The following DOK6 variants were observed in gnomAD, a reference collection of about 807,000 sequenced individuals.
DOK6 encodes the protein downstream of tyrosine kinase 6.
In DOK6, 22 loss-of-function variants were observed where a neutral mutation model predicts 44.0. That is an observed-to-expected ratio of 0.50 (90% confidence interval 0.36 to 0.71). The LOEUF is 0.71. Among genes scored for constraint, DOK6 ranks in the 30% least tolerant of loss-of-function variants. The pLI is 0.00. For missense variants in DOK6, 340 were observed against 416.4 expected (o/e 0.82, Z 1.60); for synonymous variants, 166 against 145.5 (o/e 1.14, Z -1.01).
chr18:69,696,031 C>CT (rs1986382402), intron 4 of DOK6, among the ~76,000 whole-genome samples: 2 of 151,850 alleles, frequency 1.3e-5, no homozygotes, highest in African/African-American at 2.4e-5. Context: ...TGTCCAGTTG[C>CT]TTTTTTTTAA....
intron 1 of DOK6, among the ~76,000 whole-genome samples, chr18:69,554,141 GA>G (rs1260031487): frequency 6.6e-6 from 1 of 152,186 alleles, no homozygotes; most frequent in African/African-American, 2.4e-5. Flanking sequence ...CACCCGTAGA[GA>G]AAATGACACA....
At position 69,790,517 on chromosome 18, in the gene DOK6, C is replaced by T. The variant is rs78172027; in HGVS notation, c.856+32644C>T. On this transcript the variant is annotated intron_variant, in intron 7 of 7. Coordinates refer to ENST00000382713, the MANE Select transcript of DOK6 (RefSeq NM_152721.6). ...AATTAATTATACAATCTGAAGCATG[C>T]GCTAAGTAAGAATTTTTATATTCTT... Among the ~76,000 whole-genome samples the T allele has an allele frequency of 1.7e-3, 256 of 152,112 alleles. 4 individuals carry two copies. The East Asian group carries it at 0.044, about 26-fold the overall frequency.
chr18:69,442,689 ACTTTACACATGTTGCTTATTGT>A (rs1979169961), intron 1 of DOK6, among the ~76,000 whole-genome samples: 1 of 152,072 alleles, frequency 6.6e-6, no homozygotes, highest in Admixed American at 6.6e-5. Context: ...TCTGTTTGCT[ACTTTACACATGTTGCTTATTGT>A]CTTTACACAT....
chr18:69,487,161 T>A (rs1272009094), intron 1 of DOK6, among the ~76,000 whole-genome samples: 1 of 149,548 alleles, frequency 6.7e-6, no homozygotes, highest in Non-Finnish European at 1.5e-5. Context: ...ACAATTAGCC[T>A]TGGCACTGAT....
intron 7 of DOK6, among the ~76,000 whole-genome samples, chr18:69,813,927 G>A (rs1454366952): frequency 1.3e-5 from 2 of 152,158 alleles, no homozygotes; most frequent in Non-Finnish European, 2.9e-5. Flanking sequence ...ATTAAATGAA[G>A]TAATTATATG....
rs1338096022 is a variant in DOK6 at position 69,672,934 on chromosome 18, C to T, written c.290-4800C>T. ...TTCACAGCAAAGCATGTATTTAAGACGTTAATAAATATGAAAACAACCTTT... is the reference window on the plus strand; with the variant it reads ...TTCACAGCAAAGCATGTATTTAAGATGTTAATAAATATGAAAACAACCTTT... On this transcript the variant is annotated intron_variant, in intron 3 of 7. Transcript: ENST00000382713. Among the ~76,000 whole-genome samples the T allele has an allele frequency of 5.3e-5, 8 of 149,976 alleles. No homozygotes were observed. In the East Asian group the frequency reaches 1.4e-3, roughly 25 times the overall value.
At chr18:69,458,827 C>T (rs1979700210) in intron 1 of DOK6, among the ~76,000 whole-genome samples, 1 of 152,184 alleles carries the variant, frequency 6.6e-6, no homozygotes, top group African/African-American at 2.4e-5. Context: ...AGCTATGGCT[C>T]ATGCCTGTAA....
intron 2 of DOK6, 29 bp downstream of exon 2, chr18:69,564,623 G>T: frequency 1.3e-6 from 2 of 1,545,096 alleles, no homozygotes; most frequent in Admixed American, 3.5e-5. Context: ...AGTCCCTGGG[G>T]AATAACTGGG....
At chr18:69,539,197 T>TA (rs539295724) in intron 1 of DOK6, among the ~76,000 whole-genome samples, 1 of 152,074 alleles carries the variant, frequency 6.6e-6, no homozygotes, top group Non-Finnish European at 1.5e-5. Context: ...AATATAAATT[T>TA]AAAAAAACAA....
intron 1 of DOK6, among the ~76,000 whole-genome samples, chr18:69,537,601 A>G (rs1982157880): frequency 6.6e-6 from 1 of 152,224 alleles, no homozygotes; most frequent in South Asian, 2.1e-4. Flanking sequence ...TATGAGAAAG[A>G]CATATTGAGG....
intron 5 of DOK6, among the ~76,000 whole-genome samples, chr18:69,732,744 G>T (rs1978453595): frequency 6.6e-6 from 1 of 152,114 alleles, no homozygotes; most frequent in African/African-American, 2.4e-5. Context: ...CCTTAGATAT[G>T]GTTTATGTTC....
At chr18:69,723,248 C>A (rs1763269097) in intron 5 of DOK6, among the ~76,000 whole-genome samples, 1 of 152,166 alleles carries the variant, frequency 6.6e-6, no homozygotes, top group South Asian at 2.1e-4. Flanking sequence ...AAGAAGGCAA[C>A]ATTACTGGAG....
intron 1 of DOK6, among the ~76,000 whole-genome samples, chr18:69,457,726 T>C (rs1049081311): frequency 1.3e-5 from 2 of 152,204 alleles, no homozygotes. Context: ...TTTATTTGGA[T>C]AGTATGGCCA....
At chr18:69,555,100 T>G (rs989867398) in intron 1 of DOK6, among the ~76,000 whole-genome samples, 1 of 152,182 alleles carries the variant, frequency 6.6e-6, no homozygotes, top group African/African-American at 2.4e-5. Flanking sequence ...TTTCCTAATA[T>G]GTAAAAATTT....
At chr18:69,587,503 CT>C (rs1331785538) in intron 2 of DOK6, among the ~76,000 whole-genome samples, 1 of 152,076 alleles carries the variant, frequency 6.6e-6, no homozygotes, top group Non-Finnish European at 1.5e-5. Context: ...ACAAAGACCC[CT>C]TTTCCAAATA....
chr18:69,545,692 TC>T, intron 1 of DOK6, among the ~76,000 whole-genome samples: 1 of 151,458 alleles, frequency 6.6e-6, no homozygotes, highest in South Asian at 2.1e-4. Flanking sequence ...TTCATTTTGG[TC>T]TTTTCCACTA....
chr18:69,522,428 G>A (rs1394705374), intron 1 of DOK6, among the ~76,000 whole-genome samples: 1 of 151,914 alleles, frequency 6.6e-6, no homozygotes, highest in Non-Finnish European at 1.5e-5. Context: ...TATAGACAAA[G>A]TACATTCAGA....
chr18:69,450,741 G>A (rs1272321260), intron 1 of DOK6, among the ~76,000 whole-genome samples: 6 of 148,600 alleles, frequency 4.0e-5, no homozygotes, highest in Non-Finnish European at 6.0e-5. Context: ...CCAGAAGAGA[G>A]TGGGGGCCAA....
intron 3 of DOK6, among the ~76,000 whole-genome samples, chr18:69,613,844 A>T (rs1483649529): frequency 6.6e-6 from 1 of 151,676 alleles, no homozygotes; most frequent in Non-Finnish European, 1.5e-5. Flanking sequence ...CCTCCAAAAT[A>T]TGTAATGGAA....
Sources: gnomAD v4.1 joint callset for allele counts (sites outside exome capture counted in the v4.1 genomes callset) on GRCh38, gnomAD v4.1.1 for gene constraint, MANE v1.5 for transcripts, NCBI Gene and HGNC (gene_info 2026-07-23, HGNC 2026-07-21) for gene names.